Variants in ROCK1 observed in about 807,000 individuals in gnomAD.
ROCK1 encodes the protein Rho associated coiled-coil containing protein kinase 1.
In ROCK1, 36 loss-of-function variants were observed where a neutral mutation model predicts 196.8. The ratio of observed to expected loss-of-function variants is 0.18; its 90% CI spans 0.14 to 0.24. The LOEUF (loss-of-function observed/expected upper bound fraction) is 0.24. Among genes scored for constraint, ROCK1 ranks in the 10% least tolerant of loss-of-function variants. ROCK1 has a pLI of 1.00. For synonymous variants in ROCK1, 443 were observed against 515.9 expected (o/e 0.86, Z 1.91); for missense variants, 920 against 1,562.0 (o/e 0.59, Z 6.93).
chr18:20,984,303 G>A, intron 20 of ROCK1, 48 bp downstream of exon 20: 1 of 1,389,158 alleles, frequency 7.2e-7, no homozygotes, highest in South Asian at 1.2e-5. Context: ...ACAAGTCAAT[G>A]ATGAACACAA....
At chr18:20,991,042 G>A (rs565887902) in intron 18 of ROCK1, 134 bp downstream of exon 18, 4 of 663,710 alleles carry the variant, frequency 6.0e-6, no homozygotes, top group East Asian at 2.9e-5. Context: ...TTACAGGCAT[G>A]AGCCACTGTG....
At chr18:21,063,782 T>C (rs1485881757) in intron 2 of ROCK1, among the ~76,000 whole-genome samples, 1 of 152,162 alleles carries the variant, frequency 6.6e-6, no homozygotes, top group Non-Finnish European at 1.5e-5. Flanking sequence ...TAAACAATAG[T>C]TGTGTTGGAA....
intron 1 of ROCK1, among the ~76,000 whole-genome samples, chr18:21,105,908 G>A (rs1263696252): frequency 4.6e-5 from 7 of 152,228 alleles, no homozygotes; most frequent in African/African-American, 1.7e-4. Context: ...GCCAAAGATT[G>A]AGGAAAAGAA....
chr18:20,952,460 T>C (rs1310012345), intron 32 of ROCK1, among the ~76,000 whole-genome samples: 1 of 151,598 alleles, frequency 6.6e-6, no homozygotes, highest in Non-Finnish European at 1.5e-5. Flanking sequence ...GCATAAAACA[T>C]ATTTTTGGAA....
rs528786043 is a variant in ROCK1 at position 21,089,750 on chromosome 18, T to G, written c.94-19137A>C. Among the ~76,000 whole-genome samples the G allele has an allele frequency of 6.6e-5, 10 of 152,270 alleles. No homozygotes were observed. In the East Asian group the frequency reaches 1.5e-3, roughly 24 times the overall value. On this transcript the variant is annotated intron_variant, in intron 1 of 32. Transcript: ENST00000399799. ...CTATTTTATAACAAAGTGTCAAATA[T>G]CTCATGTAATTTATTGAATACTGTA...
At chr18:21,040,014 G>A (rs912338138) in intron 8 of ROCK1, among the ~76,000 whole-genome samples, 6 of 152,090 alleles carry the variant, frequency 3.9e-5, no homozygotes, top group South Asian at 2.1e-4. Context: ...CTGAGATTGC[G>A]CCACCGCACT....
At chr18:20,988,330 A>G (rs1403212203) in intron 18 of ROCK1, among the ~76,000 whole-genome samples, 1 of 152,040 alleles carries the variant, frequency 6.6e-6, no homozygotes, top group East Asian at 1.9e-4. Flanking sequence ...GCCCTCCCAA[A>G]GTGCTAGCAT....
chr18:21,016,119 G>A (rs1310442240), intron 12 of ROCK1, among the ~76,000 whole-genome samples: 4 of 152,132 alleles, frequency 2.6e-5, no homozygotes, highest in African/African-American at 4.8e-5. Context: ...GTATTGATGA[G>A]CATAAATGAT....
At chr18:21,030,086 G>A (rs1210973525) in intron 9 of ROCK1, among the ~76,000 whole-genome samples, 1 of 152,108 alleles carries the variant, frequency 6.6e-6, no homozygotes, top group African/African-American at 2.4e-5. Context: ...TAACACAAGA[G>A]GGATATTAGG....
intron 1 of ROCK1, among the ~76,000 whole-genome samples, chr18:21,101,000 A>G (rs1040667571): frequency 6.6e-6 from 1 of 152,138 alleles, no homozygotes; most frequent in African/African-American, 2.4e-5. Context: ...CCTTTACTTA[A>G]ACTCCCCTCA....
chr18:20,999,800 T>A (rs2035706868), intron 16 of ROCK1, among the ~76,000 whole-genome samples: 1 of 152,174 alleles, frequency 6.6e-6, no homozygotes, highest in Non-Finnish European at 1.5e-5. Context: ...GCTGATTTTT[T>A]ATTTTTTGTA....
rs371946211 is a variant in ROCK1, at chr18:21,069,843, G to A, written c.175+689C>T. On this transcript the variant is annotated intron_variant, in intron 2 of 32. Transcript: ENST00000399799. ...AGAATCTGGCACCATATTCAAAAACGAAAATAAAACAATAATTTTTTAAAA... is the reference window on the plus strand; with the variant it reads ...AGAATCTGGCACCATATTCAAAAACAAAAATAAAACAATAATTTTTTAAAA... 3.8e-4 allele frequency among the ~76,000 whole-genome samples: 57 copies of A among 151,444 alleles called. No individual in the cohort carries two copies. In the East Asian group the frequency reaches 6.4e-3, roughly 17 times the overall value.
chr18:21,037,732 T>C (rs2036069430), intron 9 of ROCK1, among the ~76,000 whole-genome samples: 1 of 152,066 alleles, frequency 6.6e-6, no homozygotes, highest in Non-Finnish European at 1.5e-5. Context: ...GGTACAGCAA[T>C]ATAATAAAAT....
intron 1 of ROCK1, among the ~76,000 whole-genome samples, chr18:21,107,726 A>ATGAATTAGAG (rs2036714833): frequency 6.6e-6 from 1 of 152,180 alleles, no homozygotes; most frequent in Non-Finnish European, 1.5e-5. Context: ...TAGATACTAC[A>ATGAATTAGAG]AACCCAGAAA....
intron 13 of ROCK1, among the ~76,000 whole-genome samples, chr18:21,011,751 T>A (rs1001884572): frequency 6.6e-6 from 1 of 152,186 alleles, no homozygotes; most frequent in African/African-American, 2.4e-5. Flanking sequence ...CCACCACACT[T>A]GACCTAAAAA....
At chr18:21,092,630 G>A (rs2036581146) in intron 1 of ROCK1, among the ~76,000 whole-genome samples, 2 of 144,474 alleles carry the variant, frequency 1.4e-5, no homozygotes, top group East Asian at 4.1e-4. Context: ...TTTAGCAAGT[G>A]TCAGAAAATG....
chr18:21,037,554 GAAC>G (rs2036068061), intron 9 of ROCK1, among the ~76,000 whole-genome samples: 2 of 151,976 alleles, frequency 1.3e-5, no homozygotes, highest in African/African-American at 4.8e-5. Context: ...GGGAAGCAAA[GAAC>G]AATAAGTTCT....
At chr18:21,068,750 T>A (rs1218608301) in intron 2 of ROCK1, among the ~76,000 whole-genome samples, 1 of 152,332 alleles carries the variant, frequency 6.6e-6, no homozygotes, top group South Asian at 2.1e-4. Context: ...TTTGTTATAA[T>A]AAATTAATTC....
chr18:21,092,634 G>C (rs140828000), intron 1 of ROCK1, among the ~76,000 whole-genome samples: 1 of 138,746 alleles, frequency 7.2e-6, no homozygotes, highest in African/African-American at 2.8e-5. Flanking sequence ...GCAAGTGTCA[G>C]AAAATGCTCA....
Sources: allele counts gnomAD v4.1 joint callset (sites outside exome capture counted in the v4.1 genomes callset), GRCh38; gene constraint gnomAD v4.1.1; transcripts MANE v1.5; gene names NCBI Gene and HGNC (gene_info 2026-07-23, HGNC 2026-07-21).